MAF: variants seen among roughly 807,000 people sequenced by gnomAD.
MAF encodes transcription factor Maf.
Under a neutral mutation model 22.0 loss-of-function variants are expected in MAF, and 10 were observed. The ratio of observed to expected loss-of-function variants is 0.45; its 90% CI spans 0.28 to 0.77. MAF has a LOEUF of 0.77. Among genes scored for constraint, MAF ranks in the 30% least tolerant of loss-of-function variants. The probability of loss-of-function intolerance (pLI) is 0.12; values close to 1 mark genes in which losing one functional copy is unlikely to be tolerated. For missense variants in MAF, 544 were observed against 548.4 expected, an observed-to-expected ratio of 0.99 and a Z score of 0.08; for synonymous variants, 337 against 255.8, an observed-to-expected ratio of 1.32 and a Z score of -3.03.
chr16:79,489,866 T>A, the MAF span, among the ~76,000 whole-genome samples: 30 of 152,004 alleles, frequency 2.0e-4, no homozygotes, highest in African/African-American at 7.2e-4. Flanking sequence ...TCTGGGCAGG[T>A]TGGAAAGAGA....
the MAF span, among the ~76,000 whole-genome samples, chr16:79,523,712 A>C: frequency 6.6e-6 from 1 of 152,190 alleles, no homozygotes; most frequent in East Asian, 1.9e-4. Flanking sequence ...ATTTTACAGA[A>C]GGGGAAGCTG....
chr16:79,331,147 T>A, the MAF span, among the ~76,000 whole-genome samples: 24 of 152,130 alleles, frequency 1.6e-4, 1 homozygote, highest in Middle Eastern at 3.2e-3. Flanking sequence ...CACAATGAAA[T>A]CAAGTCCCTT....
the MAF span, among the ~76,000 whole-genome samples, chr16:79,493,053 G>C: frequency 2.6e-5 from 4 of 151,862 alleles, no homozygotes; most frequent in African/African-American, 9.7e-5. Flanking sequence ...CATCTCAAGG[G>C]TTCAAGCAAT....
the MAF span, among the ~76,000 whole-genome samples, chr16:79,395,531 C>A: frequency 6.6e-6 from 1 of 152,108 alleles, no homozygotes; most frequent in African/African-American, 2.4e-5. Context: ...GTGGAAGACA[C>A]AGAGAGGCAC....
the MAF span, among the ~76,000 whole-genome samples, chr16:79,311,439 T>G: frequency 6.6e-6 from 1 of 151,882 alleles, no homozygotes; most frequent in Non-Finnish European, 1.5e-5. Flanking sequence ...TGTGCATGAT[T>G]TACTGTGCAA....
chr16:79,396,060 G>C, the MAF span, among the ~76,000 whole-genome samples: 1 of 152,186 alleles, frequency 6.6e-6, no homozygotes, highest in Admixed American at 6.5e-5. Context: ...TCCTACTTAG[G>C]TATAAGAGAT....
At chr16:79,282,255 T>C in the MAF span, among the ~76,000 whole-genome samples, 1 of 152,280 alleles carries the variant, frequency 6.6e-6, no homozygotes, top group South Asian at 2.1e-4. Flanking sequence ...CTCGGAGTGG[T>C]ATTTTGTAAA....
At chr16:79,207,537 C>T in the MAF span, among the ~76,000 whole-genome samples, 2 of 152,204 alleles carry the variant, frequency 1.3e-5, no homozygotes, top group Non-Finnish European at 2.9e-5. Flanking sequence ...TGCAATGTCC[C>T]TGTAAGAAAG....
the MAF span, among the ~76,000 whole-genome samples, chr16:79,339,286 C>T: frequency 1.3e-5 from 2 of 152,124 alleles, no homozygotes; most frequent in Non-Finnish European, 2.9e-5. Context: ...GTCTCGATCT[C>T]CTGACCTCAT....
At chr16:79,475,522 A>G in the MAF span, among the ~76,000 whole-genome samples, 1 of 152,082 alleles carries the variant, frequency 6.6e-6, no homozygotes, top group Non-Finnish European at 1.5e-5. Flanking sequence ...CTGCCTGTCT[A>G]TCGATCTATC....
the MAF span, among the ~76,000 whole-genome samples, chr16:79,265,394 C>G: frequency 6.6e-6 from 1 of 152,076 alleles, no homozygotes; most frequent in African/African-American, 2.4e-5. Context: ...GACCTCCCAG[C>G]CTCCTCTCAC....
At chr16:79,432,866 T>C in the MAF span, among the ~76,000 whole-genome samples, 2 of 152,156 alleles carry the variant, frequency 1.3e-5, no homozygotes, top group African/African-American at 4.8e-5. Context: ...TGGAACAGAC[T>C]CTCCTTCATG....
At chr16:79,211,058 CA>C in the MAF span, among the ~76,000 whole-genome samples, 1 of 33,792 alleles carries the variant, frequency 3.0e-5, no homozygotes, top group Non-Finnish European at 9.5e-5. Flanking sequence ...TGTGTGTGTG[CA>C]TTAAATGTTT....
chr16:79,359,086 C>T, the MAF span, among the ~76,000 whole-genome samples: 9 of 152,212 alleles, frequency 5.9e-5, no homozygotes, highest in Non-Finnish European at 1.0e-4. Context: ...CAGGCATCCC[C>T]GGAAGCTGGC....
the MAF span, among the ~76,000 whole-genome samples, chr16:79,485,816 C>A: frequency 3.9e-5 from 6 of 152,066 alleles, no homozygotes; most frequent in Admixed American, 3.9e-4. Flanking sequence ...CAGAAGTAAG[C>A]TACAAATGGC....
At chr16:79,237,854 G>C in the MAF span, among the ~76,000 whole-genome samples, 3 of 152,072 alleles carry the variant, frequency 2.0e-5, no homozygotes, top group Non-Finnish European at 4.4e-5. Flanking sequence ...CCCATGGGGG[G>C]CACAGTCACC....
the MAF span, among the ~76,000 whole-genome samples, chr16:79,341,564 C>T: frequency 6.6e-6 from 1 of 152,222 alleles, no homozygotes; most frequent in Non-Finnish European, 1.5e-5. Flanking sequence ...GGGTTCTTCC[C>T]CACCCCTGGA....
the MAF span, among the ~76,000 whole-genome samples, chr16:79,552,429 G>A: frequency 5.1e-4 from 78 of 152,212 alleles, 1 homozygote; most frequent in South Asian, 0.011. Context: ...AGCTGGTCTT[G>A]AACTCCTGGT....
At chr16:79,299,898 C>T in the MAF span, among the ~76,000 whole-genome samples, 1 of 152,210 alleles carries the variant, frequency 6.6e-6, no homozygotes, top group African/African-American at 2.4e-5. Flanking sequence ...ATCTCTTTCA[C>T]CCTAAAAATT....
Sources: gnomAD v4.1 joint callset for allele counts (sites outside exome capture counted in the v4.1 genomes callset) on GRCh38, gnomAD v4.1.1 for gene constraint, MANE v1.5 for transcripts, NCBI Gene and HGNC (gene_info 2026-07-23, HGNC 2026-07-21) for gene names.